The following CFAP210 variants were observed in gnomAD, a reference collection of about 807,000 sequenced individuals.
The protein encoded by CFAP210 is cilia- and flagella- associated protein 210.
chr2:169,652,664 T>A, the CFAP210 span, among the ~76,000 whole-genome samples: 1 of 152,048 alleles, frequency 6.6e-6, no homozygotes, highest in East Asian at 1.9e-4. Context: ...GGGGCTTTCA[T>A]GATTGCTGGA....
At chr2:169,650,734 C>CTGTGTGTGTGTGTGTGTGTG in the CFAP210 span, among the ~76,000 whole-genome samples, 28 of 147,214 alleles carry the variant, frequency 1.9e-4, no homozygotes, top group African/African-American at 5.1e-4. Context: ...TATGTATAAT[C>CTGTGTGTGTGTGTGTGTGTG]TGTGTGTGTG....
the CFAP210 span, among the ~76,000 whole-genome samples, chr2:169,678,824 C>CA: frequency 1.3e-5 from 2 of 149,396 alleles, no homozygotes; most frequent in African/African-American, 4.9e-5. Flanking sequence ...GACTCCATTT[C>CA]AAAAAAAATA....
the CFAP210 span, among the ~76,000 whole-genome samples, chr2:169,656,501 AG>A: frequency 1.9e-5 from 1 of 52,670 alleles, no homozygotes; most frequent in Non-Finnish European, 4.8e-5. Context: ...GAGGTGCGGG[AG>A]GAGGAGGAGG....
the CFAP210 span, chr2:169,650,298 C>CTAT: frequency 3.1e-5 from 47 of 1,517,510 alleles, no homozygotes; most frequent in African/African-American, 5.5e-4. Context: ...CTCTGTCTTT[C>CTAT]TATTTTTATT....
the CFAP210 span, chr2:169,658,731 G>A: frequency 3.1e-6 from 1 of 323,400 alleles, no homozygotes; most frequent in Non-Finnish European, 6.2e-6. Context: ...TTGCATCATG[G>A]ATTTAATTTG....
the CFAP210 span, among the ~76,000 whole-genome samples, chr2:169,668,906 G>A: frequency 2.0e-5 from 3 of 152,164 alleles, no homozygotes; most frequent in African/African-American, 4.8e-5. Flanking sequence ...ACATGCTGTT[G>A]AACAAATGGT....
At chr2:169,682,221 T>C in the CFAP210 span, among the ~76,000 whole-genome samples, 1 of 151,200 alleles carries the variant, frequency 6.6e-6, no homozygotes, top group South Asian at 2.1e-4. Flanking sequence ...CTAACTAATT[T>C]AGGCAGAAAA....
At chr2:169,679,398 G>T in the CFAP210 span, among the ~76,000 whole-genome samples, 1 of 150,980 alleles carries the variant, frequency 6.6e-6, no homozygotes. Flanking sequence ...TGCCAGTGTC[G>T]GCTGGGCGCA....
the CFAP210 span, chr2:169,649,459 C>G: frequency 1.1e-6 from 1 of 948,490 alleles, no homozygotes; most frequent in Non-Finnish European, 1.6e-6. Context: ...AGGAGCAATG[C>G]AGGAGCAGAA....
chr2:169,681,689 G>A, the CFAP210 span, among the ~76,000 whole-genome samples: 1 of 152,186 alleles, frequency 6.6e-6, no homozygotes, highest in Non-Finnish European at 1.5e-5. Flanking sequence ...ACATAATTTG[G>A]AGAACTCACT....
At chr2:169,689,840 G>A in the CFAP210 span, among the ~76,000 whole-genome samples, 1 of 152,032 alleles carries the variant, frequency 6.6e-6, no homozygotes, top group Admixed American at 6.6e-5. Flanking sequence ...TTTTCTATTA[G>A]GATAATCATG....
the CFAP210 span, among the ~76,000 whole-genome samples, chr2:169,665,513 G>T: frequency 6.6e-6 from 1 of 151,984 alleles, no homozygotes; most frequent in Non-Finnish European, 1.5e-5. Context: ...TGTTGCAGGG[G>T]AAGGATGGCT....
chr2:169,667,512 T>C, the CFAP210 span, among the ~76,000 whole-genome samples: 1 of 152,130 alleles, frequency 6.6e-6, no homozygotes, highest in East Asian at 1.9e-4. Context: ...CCAGATCCAT[T>C]AGAGGAATCA....
the CFAP210 span, among the ~76,000 whole-genome samples, chr2:169,682,413 C>A: frequency 6.6e-6 from 1 of 152,058 alleles, no homozygotes; most frequent in South Asian, 2.1e-4. Flanking sequence ...CCACTGGATA[C>A]CATTTACTTG....
At chr2:169,654,072 T>A in the CFAP210 span, 14 of 1,607,958 alleles carry the variant, frequency 8.7e-6, no homozygotes, top group African/African-American at 1.5e-4. Flanking sequence ...TATTAAAGCC[T>A]ACCTGTGTGT....
the CFAP210 span, among the ~76,000 whole-genome samples, chr2:169,665,357 C>T: frequency 1.3e-5 from 2 of 152,288 alleles, no homozygotes; most frequent in South Asian, 2.1e-4. Context: ...ACAATCATAG[C>T]TCACTGCAAC....
chr2:169,656,352 G>A, the CFAP210 span, among the ~76,000 whole-genome samples: 9 of 126,852 alleles, frequency 7.1e-5, no homozygotes, highest in Non-Finnish European at 1.8e-5. Context: ...GAGAGGAAGA[G>A]GAGGAAAAAG....
the CFAP210 span, among the ~76,000 whole-genome samples, chr2:169,687,852 T>C: frequency 1.3e-5 from 2 of 151,900 alleles, no homozygotes; most frequent in Non-Finnish European, 2.9e-5. Context: ...AGGTTCTCCA[T>C]GAGGGCCCTG....
the CFAP210 span, chr2:169,645,833 A>AT: frequency 7.0e-6 from 11 of 1,568,064 alleles, no homozygotes; most frequent in Non-Finnish European, 8.7e-6. Context: ...GTTAAAAATA[A>AT]TTTTTTTCTA....
Sources: allele counts gnomAD v4.1 joint callset (sites outside exome capture counted in the v4.1 genomes callset), GRCh38; gene constraint gnomAD v4.1.1; transcripts MANE v1.5; gene names NCBI Gene and HGNC (gene_info 2026-07-23, HGNC 2026-07-21).